The following GARRE1 variants were observed in gnomAD, a reference collection of about 807,000 sequenced individuals.
The protein encoded by GARRE1 is granule associated Rac and RHOG effector 1.
GARRE1 carries 49 observed loss-of-function variants against 103.2 expected under a neutral mutation model. The observed-to-expected ratio is 0.47, with a 90% CI of 0.38 to 0.60. The LOEUF (loss-of-function observed/expected upper bound fraction) is 0.60. Ranked by LOEUF, GARRE1 falls within the 20% of genes least tolerant of loss-of-function variation. The pLI, the probability that GARRE1 is intolerant of heterozygous loss-of-function variation, is 0.00. For synonymous variants in GARRE1, 505 were observed against 532.8 expected (o/e 0.95, Z 0.72); for missense variants, 1,199 against 1,370.5 (o/e 0.87, Z 1.98).
chr19:34,333,564 G>A, intron 7 of GARRE1, 140 bp from the exon 8 acceptor site: 2 of 602,782 alleles, frequency 3.3e-6, no homozygotes, highest in South Asian at 2.1e-5. Flanking sequence ...TCTTCACGGG[G>A]CCCTGACTGG....
At chr19:34,315,304 T>C (rs2074054946) in intron 2 of GARRE1, among the ~76,000 whole-genome samples, 1 of 152,216 alleles carries the variant, frequency 6.6e-6, no homozygotes, top group Non-Finnish European at 1.5e-5. Context: ...GCAGGTATTA[T>C]AGGCTGAGTC....
intron 1 of GARRE1, among the ~76,000 whole-genome samples, chr19:34,267,189 C>T (rs1010924746): frequency 1.3e-5 from 2 of 152,078 alleles, no homozygotes; most frequent in South Asian, 2.1e-4. Context: ...TGCCTGAGCC[C>T]GGGAGATCAA....
At chr19:34,313,706 T>G (rs1212872180) in intron 2 of GARRE1, among the ~76,000 whole-genome samples, 3 of 152,230 alleles carry the variant, frequency 2.0e-5, no homozygotes, top group Non-Finnish European at 4.4e-5. Context: ...TTTTCTGACC[T>G]CTGATGGGCT....
At chr19:34,348,083 A>T in intron 11 of GARRE1, 41 bp downstream of exon 11, 1 of 1,384,332 alleles carries the variant, frequency 7.2e-7, no homozygotes, top group Non-Finnish European at 9.5e-7. Flanking sequence ...CTTGAGACCC[A>T]GGTGTCCCCC....
At chr19:34,279,941 C>T (rs1367233052) in intron 1 of GARRE1, among the ~76,000 whole-genome samples, 1 of 148,294 alleles carries the variant, frequency 6.7e-6, no homozygotes, top group Non-Finnish European at 1.5e-5. Flanking sequence ...GCCGAGATCC[C>T]GCCACTGCAC....
chr19:34,261,445 T>C (rs1327890516), intron 1 of GARRE1, among the ~76,000 whole-genome samples: 1 of 151,934 alleles, frequency 6.6e-6, no homozygotes, highest in Admixed American at 6.6e-5. Context: ...TTAATCCCCA[T>C]GGAACTGCTT....
intron 2 of GARRE1, among the ~76,000 whole-genome samples, chr19:34,304,326 A>G (rs367920702): frequency 1.7e-5 from 2 of 119,118 alleles, no homozygotes; most frequent in Non-Finnish European, 3.4e-5. Context: ...CATGGCCTCA[A>G]AATGCTGGGA....
chr19:34,258,883 A>AGT (rs1555778427), intron 1 of GARRE1, among the ~76,000 whole-genome samples: 2 of 152,154 alleles, frequency 1.3e-5, no homozygotes, highest in Non-Finnish European at 2.9e-5. Context: ...TGGGCAACAT[A>AGT]GTGAGACCTC....
At position 34,352,891 on chromosome 19, in the gene GARRE1, C is replaced by T; in HGVS notation, c.3149C>T (p.Pro1050Leu). Residue 1050 changes from proline to leucine, a missense_variant, in exon 14 of 14, where the codon CCC (proline) becomes CTC (leucine). Pro to Leu is a moderately conservative substitution (Grantham distance 98). Coordinates refer to ENST00000299505, the MANE Select transcript of GARRE1 (RefSeq NM_014686.5). ...CCCCCACCAGCACACAAGGCAGCACCCAAGGGCTTCAAGGCCTTCCCTGGG... is the reference window on the plus strand; with the variant it reads ...CCCCCACCAGCACACAAGGCAGCACTCAAGGGCTTCAAGGCCTTCCCTGGG... The part of the protein sequence containing the change: ...PPPPPAHKAA[P>L]KGFKAFPGKG... 1 of 1,585,468 alleles carries T rather than the reference C, an allele frequency of 6.3e-7. No individual in the cohort carries two copies. The highest frequency in any genetic ancestry group is 8.6e-7 in the Non-Finnish European group (1 of 1,165,230).
At chr19:34,254,848 C>T (rs2145945519) in intron 1 of GARRE1, among the ~76,000 whole-genome samples, 1 of 150,178 alleles carries the variant, frequency 6.7e-6, no homozygotes, top group Middle Eastern at 3.4e-3. Context: ...CCCGGAGGGG[C>T]CTCCTGGCGC....
intron 1 of GARRE1, among the ~76,000 whole-genome samples, chr19:34,268,683 A>G (rs1352843820): frequency 6.6e-6 from 1 of 151,818 alleles, no homozygotes; most frequent in Non-Finnish European, 1.5e-5. Flanking sequence ...AATTGAGGCC[A>G]GGTATAGTGA....
At chr19:34,268,103 G>A (rs552445109) in intron 1 of GARRE1, among the ~76,000 whole-genome samples, 40 of 151,356 alleles carry the variant, frequency 2.6e-4, no homozygotes, top group African/African-American at 9.7e-4. Context: ...AATCTACTTA[G>A]AAATAAATTA....
At chr19:34,315,836 T>C (rs994082788) in intron 2 of GARRE1, among the ~76,000 whole-genome samples, 2 of 152,162 alleles carry the variant, frequency 1.3e-5, no homozygotes, top group Non-Finnish European at 2.9e-5. Flanking sequence ...ATTCTGGTTA[T>C]GTACATGAAT....
At chr19:34,289,276 T>A (rs920458451) in intron 1 of GARRE1, among the ~76,000 whole-genome samples, 1 of 151,650 alleles carries the variant, frequency 6.6e-6, no homozygotes, top group African/African-American at 2.4e-5. Context: ...CTACCAAAAA[T>A]ACAAAAATTA....
Position 34,354,302 on chromosome 19 carries a change from G to A in GARRE1, c.*1347G>A, listed in dbSNP as rs1424989966. On this transcript the variant is annotated 3_prime_UTR_variant, in exon 14 of 14. Coordinates refer to ENST00000299505, the MANE Select transcript of GARRE1 (RefSeq NM_014686.5). ...GTTTATTCTTTCTAACTCCATATAA[G>A]CTTTTCCAGCAAAGATTGTAATAAC... 1 of 152,048 alleles carries A rather than the reference G, an allele frequency of 6.6e-6. No individual in the cohort carries two copies. Among genetic ancestry groups the A allele is most frequent in the Non-Finnish European group, 1.5e-5 (1 of 68,016 alleles). The allele number at this position is 152,048 out of a possible 1,614,324, so 9.4% of individuals were successfully genotyped here. A position where few individuals can be genotyped will look rare whatever the true frequency, so the allele number is the denominator to read the frequency against.
At chr19:34,296,570 C>G (rs576849964) in intron 1 of GARRE1, 5 of 1,591,432 alleles carry the variant, frequency 3.1e-6, no homozygotes, top group Non-Finnish European at 4.3e-6. Context: ...CATTGTTGGC[C>G]TGCATCTTCT....
chr19:34,291,205 G>T (rs1204117171), intron 1 of GARRE1, among the ~76,000 whole-genome samples: 3 of 152,058 alleles, frequency 2.0e-5, no homozygotes, highest in African/African-American at 7.2e-5. Context: ...ACCGCGCCCA[G>T]CCGCATATTG....
chr19:34,264,350 A>G (rs1033035670), intron 1 of GARRE1, among the ~76,000 whole-genome samples: 2 of 152,136 alleles, frequency 1.3e-5, no homozygotes, highest in African/African-American at 4.8e-5. Flanking sequence ...AAACAGGACA[A>G]GAGCTTTGAG....
chr19:34,349,195 T>G (rs1219220953), intron 12 of GARRE1, 42 bp downstream of exon 12: 3 of 1,601,034 alleles, frequency 1.9e-6, no homozygotes, highest in Non-Finnish European at 2.6e-6. Flanking sequence ...GAGAAGGGCA[T>G]GTGAATGCAA....
Sources: allele counts gnomAD v4.1 joint callset (sites outside exome capture counted in the v4.1 genomes callset), GRCh38; gene constraint gnomAD v4.1.1; transcripts MANE v1.5; gene names NCBI Gene and HGNC (gene_info 2026-07-23, HGNC 2026-07-21).